Variants in DHDDS observed in about 807,000 individuals in gnomAD.
DHDDS encodes the protein dehydrodolichyl diphosphate synthase complex subunit DHDDS.
A neutral mutation model predicts 46.2 loss-of-function variants in DHDDS; 16 were observed. That is an observed-to-expected ratio of 0.35 (90% CI 0.23 to 0.53). The LOEUF (loss-of-function observed/expected upper bound fraction) is 0.53. Among genes scored for constraint, DHDDS ranks in the 20% least tolerant of loss-of-function variants. The pLI is 0.94. For synonymous variants in DHDDS, 151 were observed against 163.1 expected (o/e 0.93, Z 0.56); for missense variants, 340 against 423.7 (o/e 0.80, Z 1.73).
chr1:26,458,093 C>T (rs1298711764), intron 7 of DHDDS, among the ~76,000 whole-genome samples, 188 bp downstream of exon 7: 2 of 152,158 alleles, frequency 1.3e-5, no homozygotes, highest in African/African-American at 2.4e-5. Flanking sequence ...CCTCATCTGT[C>T]GCTGGCTTTG....
At chr1:26,455,064 G>A (rs12723046) in intron 6 of DHDDS, 37,427 of 932,924 alleles carry the variant, frequency 0.04, 895 homozygotes, top group Non-Finnish European at 0.052. Context: ...ATGGCTTTTC[G>A]TATATGCATA....
intron 8 of DHDDS, among the ~76,000 whole-genome samples, chr1:26,461,017 G>T (rs1042619437): frequency 6.6e-6 from 1 of 152,112 alleles, no homozygotes; most frequent in Non-Finnish European, 1.5e-5. Context: ...GGGATTACAG[G>T]CACACGCCAC....
intron 7 of DHDDS, among the ~76,000 whole-genome samples, chr1:26,459,063 G>A (rs2075398450): frequency 6.6e-6 from 1 of 152,244 alleles, no homozygotes; most frequent in Admixed American, 6.5e-5. Context: ...ATGGCAGTGA[G>A]TGAGTCAGAA....
intron 6 of DHDDS, among the ~76,000 whole-genome samples, chr1:26,451,922 T>C (rs2075325304): frequency 6.6e-6 from 1 of 151,754 alleles, no homozygotes; most frequent in African/African-American, 2.4e-5. Flanking sequence ...ATTTTTTGTA[T>C]ATTTAGTAGA....
chr1:26,469,217 T>C lies in DHDDS; in HGVS notation c.*86T>C. ...CTTTTCTTGGTGAAAGGCACCTCCTTTCCTGATAATGAATGGTGTTCCCTT... is the reference window on the plus strand; with the variant it reads ...CTTTTCTTGGTGAAAGGCACCTCCTCTCCTGATAATGAATGGTGTTCCCTT... On this transcript the variant is annotated 3_prime_UTR_variant, in exon 9 of 9. Transcript: ENST00000236342. 6.2e-7 allele frequency: 1 copy of C among 1,601,158 alleles called. No homozygotes were observed. Among genetic ancestry groups the C allele is most frequent in the Non-Finnish European group, 8.5e-7 (1 of 1,178,910 alleles).
chr1:26,461,210 T>G (rs1028313602), intron 8 of DHDDS, among the ~76,000 whole-genome samples: 1 of 152,144 alleles, frequency 6.6e-6, no homozygotes, highest in Admixed American at 6.5e-5. Context: ...TCTGGAGAGA[T>G]AATGCCAGGA....
intron 6 of DHDDS, among the ~76,000 whole-genome samples, chr1:26,456,368 T>C (rs2075370232): frequency 6.6e-6 from 1 of 151,702 alleles, no homozygotes; most frequent in Non-Finnish European, 1.5e-5. Context: ...GGAGACCCTG[T>C]CTGGAAAAAA....
chr1:26,461,424 G>A (rs1276683735), intron 8 of DHDDS, among the ~76,000 whole-genome samples: 3 of 144,250 alleles, frequency 2.1e-5, no homozygotes, highest in East Asian at 2.0e-4. Context: ...TCGCTCTTGC[G>A]GCCCAGGCTG....
At chr1:26,464,133 C>T (rs892210133) in intron 8 of DHDDS, among the ~76,000 whole-genome samples, 2 of 151,598 alleles carry the variant, frequency 1.3e-5, no homozygotes, top group Non-Finnish European at 2.9e-5. Context: ...GCTGGGACTA[C>T]AGGCACGTGC....
intron 6 of DHDDS, among the ~76,000 whole-genome samples, chr1:26,451,982 A>G (rs1367785163): frequency 1.3e-5 from 2 of 151,878 alleles, no homozygotes; most frequent in Non-Finnish European, 2.9e-5. Flanking sequence ...CCTGACCTCA[A>G]GTGATCTGCC....
Position 26,469,535 on chromosome 1 carries a change from C to G in DHDDS, c.*404C>G, listed in dbSNP as rs572009346. 20 of 270,378 alleles carry G rather than the reference C, an allele frequency of 7.4e-5. No homozygotes were observed. In the East Asian group the frequency reaches 1.7e-3, roughly 23 times the overall value. The allele number at this position is 270,378 out of a possible 1,614,324, so 16.7% of individuals were successfully genotyped here. On this transcript the variant is annotated 3_prime_UTR_variant, in exon 9 of 9. Coordinates refer to ENST00000236342, the MANE Select transcript of DHDDS (RefSeq NM_205861.3). The stretch of plus-strand genomic sequence containing the variant: ...TCCATTTTAGCCTTCCACCCAGCTT[C>G]CACAAAAGATTTGGCTCTACCTTGG...
chr1:26,439,166 G>A (rs909818848), intron 3 of DHDDS, among the ~76,000 whole-genome samples: 1 of 152,038 alleles, frequency 6.6e-6, no homozygotes, highest in African/African-American at 2.4e-5. Context: ...CCTGACCTCA[G>A]GTGATCCACC....
At chr1:26,454,573 T>C (rs2075353126) in intron 6 of DHDDS, 2 of 719,358 alleles carry the variant, frequency 2.8e-6, no homozygotes, top group South Asian at 3.4e-5. Context: ...ATAAGGTGGA[T>C]AGGACAAATG....
intron 6 of DHDDS, chr1:26,454,574 A>G (rs1382344135): frequency 1.4e-6 from 1 of 720,124 alleles, no homozygotes; most frequent in Non-Finnish European, 2.4e-6. Context: ...TAAGGTGGAT[A>G]GGACAAATGG....
rs765633925 is a variant in DHDDS at position 26,469,141 on chromosome 1, G to C, written c.*10G>C. 6.2e-7 allele frequency: 1 copy of C among 1,610,200 alleles called. No individual in the cohort carries two copies. On this transcript the variant is annotated 3_prime_UTR_variant, in exon 9 of 9. Coordinates refer to ENST00000236342, the MANE Select transcript of DHDDS (RefSeq NM_205861.3). Reference sequence around the variant, plus strand: ...CACTGCATCAGCCTGAATGAGGCTGGCCACCTGCCACTTTGCCCTGCCCTC... The same window carrying C: ...CACTGCATCAGCCTGAATGAGGCTGCCCACCTGCCACTTTGCCCTGCCCTC...
intron 6 of DHDDS, among the ~76,000 whole-genome samples, chr1:26,448,980 GAC>G (rs1348391634): frequency 2.0e-5 from 3 of 152,326 alleles, no homozygotes; most frequent in African/African-American, 7.2e-5. Context: ...AAGGAGAGGA[GAC>G]AGTTTTTGAG....
intron 6 of DHDDS, 70 bp from the exon 7 acceptor site, chr1:26,457,721 C>T (rs2075384109): frequency 3.3e-6 from 4 of 1,219,942 alleles, no homozygotes; most frequent in Non-Finnish European, 3.6e-6. Context: ...GGAAGTTCAC[C>T]ATGAGAACAC....
At chr1:26,467,317 G>C (rs932924161) in intron 8 of DHDDS, 2 of 471,290 alleles carry the variant, frequency 4.2e-6, no homozygotes, top group Non-Finnish European at 8.8e-6. Flanking sequence ...CCTGACCAAG[G>C]CCTGGAAGAA....
intron 7 of DHDDS, 134 bp downstream of exon 7, chr1:26,458,039 G>A (rs2075388076): frequency 5.3e-6 from 4 of 748,638 alleles, no homozygotes; most frequent in African/African-American, 1.7e-5. Flanking sequence ...CTAAAATCTG[G>A]AGAAGCATCT....
Sources: gnomAD v4.1 joint callset for allele counts (sites outside exome capture counted in the v4.1 genomes callset) on GRCh38, gnomAD v4.1.1 for gene constraint, MANE v1.5 for transcripts, NCBI Gene and HGNC (gene_info 2026-07-23, HGNC 2026-07-21) for gene names.